The following GOLIM4 variants were observed in gnomAD, a reference collection of about 807,000 sequenced individuals.
The protein encoded by GOLIM4 is 130 kDa golgi-localized phosphoprotein.
A neutral mutation model predicts 107.4 loss-of-function variants in GOLIM4; 71 were observed. The observed-to-expected ratio is 0.66, with a 90% CI of 0.55 to 0.81. The LOEUF (loss-of-function observed/expected upper bound fraction) is 0.81, where lower values mean the gene tolerates loss of function less well. GOLIM4 is among the 30% of genes least tolerant of loss of function. The pLI, the probability that GOLIM4 is intolerant of heterozygous loss-of-function variation, is 0.00. For missense variants in GOLIM4, 830 were observed against 826.1 expected, an observed-to-expected ratio of 1.00 and a Z score of -0.06; for synonymous variants, 327 against 294.8, an observed-to-expected ratio of 1.11 and a Z score of -1.12.
At chr3:168,070,691 T>C (rs1256742846) in intron 1 of GOLIM4, among the ~76,000 whole-genome samples, 1 of 152,196 alleles carries the variant, frequency 6.6e-6, no homozygotes, top group Non-Finnish European at 1.5e-5. Context: ...TAATTTTCAT[T>C]AAGGTTATTA....
At chr3:168,080,688 C>T (rs923672506) in intron 1 of GOLIM4, among the ~76,000 whole-genome samples, 4 of 152,170 alleles carry the variant, frequency 2.6e-5, no homozygotes, top group East Asian at 1.9e-4. Context: ...GAAGCCCACA[C>T]GCCCCATTCC....
In GOLIM4 at chr3:168,041,403, G is replaced by A. The variant is rs1179785149; in HGVS notation, c.589C>T (p.Gln197Ter). The A allele has an allele frequency of 3.2e-6, 5 of 1,576,700 alleles. No homozygotes were observed. The highest frequency in any genetic ancestry group is 3.5e-6 in the Non-Finnish European group (4 of 1,147,062). The change falls in exon 6 of 16, where the codon CAA becomes TAA. Residue 197 changes from glutamine (Q) to a stop codon, truncating the protein, a stop_gained. Transcript: ENST00000470487. LOFTEE classifies it high-confidence loss of function. ...TGGTTTTCTTTTACCTTGACATCTT[G>A]AAGCTGTGTATGTATGTCTTGGTGT... is the stretch of plus-strand genomic sequence containing the variant. ...KAHQDIHTQL[Q>*]DVKQQHKNLL...
At chr3:168,072,635 T>C (rs962146498) in intron 1 of GOLIM4, among the ~76,000 whole-genome samples, 3 of 152,136 alleles carry the variant, frequency 2.0e-5, no homozygotes. Flanking sequence ...TAAAACTTAA[T>C]TGAAAAGAAA....
intron 1 of GOLIM4, among the ~76,000 whole-genome samples, chr3:168,075,941 T>A (rs1721064524): frequency 6.6e-6 from 1 of 152,176 alleles, no homozygotes; most frequent in Admixed American, 6.5e-5. Context: ...CACTCTCACA[T>A]ATACACAAAC....
chr3:168,029,810 T>A lies in GOLIM4; in HGVS notation c.1403A>T (p.Glu468Val). ...CTGCTCCTGGTGCTGCGGCCGGCCC[T>A]CCTCAAGCTCAGCCTGCCTCTGCAG... ...MALQRQAELE[E>V]GRPQHQEQLR... is the part of the protein sequence containing the mutation. The change falls in exon 10 of 16, where the codon GAG becomes GTG. Residue 468 changes from glutamate (E) to valine (V), a missense_variant. Coordinates refer to ENST00000470487, the MANE Select transcript of GOLIM4 (RefSeq NM_014498.5). 1 of 1,613,956 alleles carries A rather than the reference T, an allele frequency of 6.2e-7. No individual in the cohort carries two copies. Among genetic ancestry groups the A allele is most frequent in the Admixed American group, 1.7e-5 (1 of 60,022 alleles).
At chr3:168,089,220 C>G (rs1347998908) in intron 1 of GOLIM4, among the ~76,000 whole-genome samples, 1 of 152,100 alleles carries the variant, frequency 6.6e-6, no homozygotes, top group Non-Finnish European at 1.5e-5. Flanking sequence ...CAGGATCAAG[C>G]AAAAATGATA....
At chr3:168,022,016 A>C (rs780802258) in intron 14 of GOLIM4, among the ~76,000 whole-genome samples, 9 of 152,254 alleles carry the variant, frequency 5.9e-5, no homozygotes, top group Non-Finnish European at 1.2e-4. Flanking sequence ...CCATTCAAAC[A>C]ATCCCAAACA....
chr3:168,010,306 G>T lies in GOLIM4; in HGVS notation c.2054C>A (p.Ala685Glu). 1 of 1,613,608 alleles carries T rather than the reference G, an allele frequency of 6.2e-7. No individual in the cohort carries two copies. Among genetic ancestry groups the T allele is most frequent in the East Asian group, 2.2e-5 (1 of 44,862 alleles). The change falls in exon 16 of 16, where the codon GCA becomes GAA. Residue 685 changes from alanine to glutamate, a missense_variant. Ala to Glu is a moderately radical substitution (Grantham distance 107). Coordinates refer to ENST00000470487, the MANE Select transcript of GOLIM4 (RefSeq NM_014498.5). ...EEEEEEEDGAAVAEKSHRRAE... is the reference protein window; with the variant it reads ...EEEEEEEDGAEVAEKSHRRAE... ...TCTTCGATGTGATTTCTCAGCAACT[G>T]CAGCCCCGTCTTCTTCCTCCTCTTC...
intron 14 of GOLIM4, 53 bp from the exon 15 acceptor site, chr3:168,010,876 G>A (rs1044114165): frequency 2.5e-5 from 30 of 1,177,512 alleles, no homozygotes; most frequent in Middle Eastern, 1.9e-4. Flanking sequence ...AAGCACTTGC[G>A]ATAATATATT....
intron 1 of GOLIM4, among the ~76,000 whole-genome samples, chr3:168,075,544 T>C (rs7648984): frequency 0.47 from 71,132 of 151,346 alleles, 17,447 homozygotes; most frequent in Middle Eastern, 0.55. Context: ...GTGATCCGCC[T>C]GCCTCGGCCT....
chr3:168,033,230 AG>A (rs1416593056), intron 8 of GOLIM4, among the ~76,000 whole-genome samples: 2 of 152,222 alleles, frequency 1.3e-5, no homozygotes, highest in Non-Finnish European at 2.9e-5. Context: ...TTTTGTTTTC[AG>A]TAATTATTTG....
Position 168,044,889 on chromosome 3 carries a change from T to C in GOLIM4, c.313-8A>G, listed in dbSNP as rs779591261. 2.1e-6 allele frequency: 3 copies of C among 1,414,284 alleles called. No individual in the cohort carries two copies. The highest frequency in any genetic ancestry group is 2.9e-6 in the Non-Finnish European group (3 of 1,050,034). 87.6% of individuals were successfully genotyped at this position (1,414,284 alleles called of 1,614,324 possible). A position where few individuals can be genotyped will look rare whatever the true frequency, so the allele number is the denominator to read the frequency against. ...TCTGCTATTGGAATCTTGCTGTAAA[T>C]CAAAAAAAAAAAAGAAAACACAAAG... is the stretch of plus-strand genomic sequence containing the variant. On this transcript the variant is annotated splice_polypyrimidine_tract_variant and splice_region_variant and intron_variant, in intron 3 of 15. Transcript: ENST00000470487.
intron 1 of GOLIM4, among the ~76,000 whole-genome samples, chr3:168,056,265 G>C (rs1719966215): frequency 6.6e-6 from 1 of 152,256 alleles, no homozygotes; most frequent in African/African-American, 2.4e-5. Context: ...TGGGTGCACA[G>C]AAGTCAAGAA....
chr3:168,092,778 A>T (rs10804823), intron 1 of GOLIM4, among the ~76,000 whole-genome samples: 85,046 of 151,938 alleles, frequency 0.56, 24,472 homozygotes, highest in African/African-American at 0.71. Context: ...CAGAAAATGT[A>T]CATTAAATGG....
intron 8 of GOLIM4, among the ~76,000 whole-genome samples, chr3:168,035,712 T>C (rs901626944): frequency 6.6e-6 from 1 of 152,192 alleles, no homozygotes; most frequent in Non-Finnish European, 1.5e-5. Context: ...GGTGATAAGA[T>C]AATCTTTACA....
intron 1 of GOLIM4, among the ~76,000 whole-genome samples, chr3:168,074,521 C>T (rs1720977098): frequency 6.6e-6 from 1 of 152,154 alleles, no homozygotes; most frequent in African/African-American, 2.4e-5. Flanking sequence ...AAAAAGCCCA[C>T]ATCACAGCAA....
At chr3:168,042,517 G>C (rs889014720) in intron 5 of GOLIM4, among the ~76,000 whole-genome samples, 1 of 152,206 alleles carries the variant, frequency 6.6e-6, no homozygotes, top group Non-Finnish European at 1.5e-5. Flanking sequence ...CTGACCTCAA[G>C]TGATCCACCC....
At chr3:168,027,923 T>C in intron 11 of GOLIM4, 86 bp from the exon 12 acceptor site, 1 of 815,880 alleles carries the variant, frequency 1.2e-6, no homozygotes, top group East Asian at 2.4e-5. Flanking sequence ...CCAGTGGACT[T>C]TTCTACAGAC....
At chr3:168,082,877 C>G (rs1053348661) in intron 1 of GOLIM4, among the ~76,000 whole-genome samples, 1 of 152,156 alleles carries the variant, frequency 6.6e-6, no homozygotes, top group African/African-American at 2.4e-5. Context: ...AAGAGCAGAA[C>G]AATCTTTAAT....
Sources: gnomAD v4.1 joint callset for allele counts (sites outside exome capture counted in the v4.1 genomes callset) on GRCh38, gnomAD v4.1.1 for gene constraint, MANE v1.5 for transcripts, NCBI Gene and HGNC (gene_info 2026-07-23, HGNC 2026-07-21) for gene names.